UNC93B1: variants seen among roughly 807,000 people sequenced by gnomAD.
UNC93B1 encodes protein unc-93 homolog B1.
Under a neutral mutation model 56.8 loss-of-function variants are expected in UNC93B1, and 33 were observed. The ratio of observed to expected loss-of-function variants is 0.58; its 90% CI spans 0.44 to 0.78. The LOEUF is 0.78. Among genes scored for constraint, UNC93B1 ranks in the 30% least tolerant of loss-of-function variants. UNC93B1 has a pLI of 0.00. For synonymous variants in UNC93B1, 334 were observed against 358.6 expected, an observed-to-expected ratio of 0.93 and a Z score of 0.77; for missense variants, 673 against 819.5, an observed-to-expected ratio of 0.82 and a Z score of 2.18.
chr11:67,999,174 T>C lies in UNC93B1; in HGVS notation c.686A>G (p.His229Arg). Reference sequence around the variant, plus strand: ...AACAATGGCCCACGTGGCACTCACATGGAAGAAGCTGTAGAAGATGGCTTG... The same window carrying C: ...AACAATGGCCCACGTGGCACTCACACGGAAGAAGCTGTAGAAGATGGCTTG... ...VFQAIFYSFFHLSFACAQLPM... is the reference protein window; with the variant it reads ...VFQAIFYSFFRLSFACAQLPM... Residue 229 changes from histidine to arginine, a missense_variant and splice_region_variant, in exon 5 of 11, where the codon CAT becomes CGT. Physicochemically the swap from His to Arg is conservative, Grantham distance 29 (BLOSUM62 0). This residue lies in a region of UNC93B1 where 438 missense variants were observed against 465.9 expected (regional missense o/e 0.94). Transcript: ENST00000227471. The C allele has an allele frequency of 2.5e-6, 4 of 1,613,860 alleles. No homozygotes were observed. Among genetic ancestry groups the C allele is most frequent in the Non-Finnish European group, 2.5e-6 (3 of 1,179,870 alleles).
At chr11:68,002,000 C>T (rs1056588877) in intron 3 of UNC93B1, among the ~76,000 whole-genome samples, 11 of 151,568 alleles carry the variant, frequency 7.3e-5, no homozygotes, top group African/African-American at 2.7e-4. Flanking sequence ...AAAAATTAAC[C>T]GGGTGGCAGG....
chr11:67,991,523 G>A lies in UNC93B1; in HGVS notation c.*23C>T. The A allele has an allele frequency of 7.2e-7, 1 of 1,388,268 alleles. No individual in the cohort carries two copies. The highest frequency in any genetic ancestry group is 9.3e-7 in the Non-Finnish European group (1 of 1,077,330). 86.0% of individuals were successfully genotyped at this position (1,388,268 alleles called of 1,614,324 possible). On this transcript the variant is annotated 3_prime_UTR_variant, in exon 11 of 11. Coordinates refer to ENST00000227471, the MANE Select transcript of UNC93B1 (RefSeq NM_030930.4). Reference sequence around the variant, plus strand: ...ACTGAGGCCGGCGAGGAGGGAGGCTGAGTCCGGGGACCAGGCGGCCCCTCA... The same window carrying A: ...ACTGAGGCCGGCGAGGAGGGAGGCTAAGTCCGGGGACCAGGCGGCCCCTCA...
chr11:67,999,757 C>A lies in UNC93B1; in HGVS notation c.393-77G>T, dbSNP rs931153984. On this transcript the variant is annotated intron_variant, in intron 3 of 10. Transcript: ENST00000227471. ...GCCTGAAGCCAAACGGGGCCACAAC[C>A]GCAGGTCCCAGCTCACAGGGCTTTG... 7.2e-5 allele frequency: 111 copies of A among 1,536,614 alleles called. 3 individuals are homozygous for A. Among genetic ancestry groups the A allele is most frequent in the African/African-American group, 8.2e-5 (6 of 72,978 alleles).
intron 7 of UNC93B1, chr11:67,997,458 G>A: frequency 1.3e-6 from 1 of 747,434 alleles, no homozygotes; most frequent in South Asian, 1.9e-5. Flanking sequence ...CGCCTGCCTC[G>A]GACCACAGGC....
In UNC93B1 at chr11:68,003,134, A is replaced by C. The variant is rs759103496; in HGVS notation, c.280T>G (p.Tyr94Asp). The change falls in exon 3 of 11, where the codon TAC becomes GAC. Residue 94 changes from tyrosine (Y) to aspartate (D), a missense_variant. Physicochemically the swap from Tyr to Asp is radical, Grantham distance 160. Transcript: ENST00000227471. This position sits in a 1 kb window ranked among gnomAD's most constrained non-coding sequence, Gnocchi z 4.4. Reference protein sequence around the residue: ...MQLILHYDETYREVKYGNMGL... With the variant: ...MQLILHYDETDREVKYGNMGL... ...ATGTTGCCATACTTCACCTCGCGGT[A>C]GGTCTCGTCGTAGTGCAGGATCAGC... 7.4e-6 allele frequency: 12 copies of C among 1,613,260 alleles called. No homozygotes were observed.
In UNC93B1 at chr11:68,003,453, C is replaced by T. The variant is rs934026411; in HGVS notation, c.238+204G>A. 31 of 881,184 alleles carry T rather than the reference C, an allele frequency of 3.5e-5. No individual in the cohort carries two copies. In the Admixed American group the frequency reaches 1.0e-3, roughly 29 times the overall value. The allele number at this position is 881,184 out of a possible 1,614,324, so 54.6% of individuals were successfully genotyped here. On this transcript the variant is annotated intron_variant, in intron 2 of 10. Transcript: ENST00000227471. The surrounding 1 kb of genome is among the most constrained non-coding windows in gnomAD (Gnocchi z 4.4). ...GGGAGCCCGGACCCCCGTCCCCCAC[C>T]CACACCGAGGCTCTGGCTGGGACCC... is the stretch of plus-strand genomic sequence containing the variant.
At chr11:68,002,701 C>G (rs1048839757) in intron 3 of UNC93B1, among the ~76,000 whole-genome samples, 1 of 152,192 alleles carries the variant, frequency 6.6e-6, no homozygotes, top group Non-Finnish European at 1.5e-5. Context: ...AGCCCCAACC[C>G]TGAAGGCCAC....
chr11:67,995,384 G>T (rs1442019825), intron 9 of UNC93B1, among the ~76,000 whole-genome samples: 1 of 151,936 alleles, frequency 6.6e-6, no homozygotes, highest in Non-Finnish European at 1.5e-5. Flanking sequence ...TGTCTCCAGG[G>T]TGTCCACACC....
At chr11:67,998,504 G>T (rs1856990050) in intron 5 of UNC93B1, 52 bp from the exon 6 acceptor site, 2 of 1,583,884 alleles carry the variant, frequency 1.3e-6, no homozygotes, top group East Asian at 4.5e-5. Flanking sequence ...GCCAGGCAAG[G>T]GACACAGGCA....
intron 3 of UNC93B1, among the ~76,000 whole-genome samples, chr11:68,002,668 C>G (rs1045582907): frequency 2.6e-5 from 4 of 152,134 alleles, no homozygotes; most frequent in Non-Finnish European, 5.9e-5. Flanking sequence ...CTTTGCTGAC[C>G]GATCAGAAAC....
rs751909299 is a variant in UNC93B1, at chr11:67,996,726, A to C, written c.965T>G (p.Val322Gly). Residue 322 changes from valine (V) to glycine (G), a missense_variant, in exon 8 of 11, where the codon GTG (valine) becomes GGG (glycine). Physicochemically the swap from Val to Gly is moderately radical, Grantham distance 109. Around this residue, in one of 3 missense-constraint regions of UNC93B1, gnomAD observed 438 missense variants for 465.9 expected, o/e 0.94. Coordinates refer to ENST00000227471, the MANE Select transcript of UNC93B1 (RefSeq NM_030930.4). ...RPTEEIDLRS[V>G]GWGNIFQLPF... ...CAGCTGGAAGATGTTGCCCCAGCCC[A>C]CGCTGCGCAGATCGATCTCCTCCGT... is the stretch of plus-strand genomic sequence containing the variant. The C allele has an allele frequency of 6.4e-7, 1 of 1,555,660 alleles. No individual in the cohort carries two copies. Among genetic ancestry groups the C allele is most frequent in the South Asian group, 1.2e-5 (1 of 84,304 alleles).
At position 67,996,747 on chromosome 11, in the gene UNC93B1, T is replaced by A; in HGVS notation, c.944A>T (p.Glu315Val). 6.4e-7 allele frequency: 1 copy of A among 1,561,634 alleles called. No individual in the cohort carries two copies. Among genetic ancestry groups the A allele is most frequent in the Non-Finnish European group, 8.7e-7 (1 of 1,152,688 alleles). ...GCCCACGCTGCGCAGATCGATCTCC[T>A]CCGTGGGCCGGTAAGCGGCTCCGCA... Reference protein sequence around the residue: ...GLCGAAYRPTEEIDLRSVGWG... With the variant: ...GLCGAAYRPTVEIDLRSVGWG... The change falls in exon 8 of 11, where the codon GAG becomes GTG. Residue 315 changes from glutamate (E) to valine (V), a missense_variant. Glu to Val is a moderately radical substitution (Grantham distance 121). Coordinates refer to ENST00000227471, the MANE Select transcript of UNC93B1 (RefSeq NM_030930.4).
chr11:67,998,512 G>T, intron 5 of UNC93B1, 60 bp from the exon 6 acceptor site: 1 of 1,559,866 alleles, frequency 6.4e-7, no homozygotes, highest in Non-Finnish European at 8.8e-7. Flanking sequence ...AGGGACACAG[G>T]CATGGTCTGG....
At chr11:67,995,452 C>T (rs1214936137) in intron 9 of UNC93B1, among the ~76,000 whole-genome samples, 159 bp downstream of exon 9, 1 of 151,972 alleles carries the variant, frequency 6.6e-6, no homozygotes, top group African/African-American at 2.4e-5. Flanking sequence ...GGAGTGTCCA[C>T]AGGAAGCCCC....
chr11:68,002,678 C>T (rs1304523197), intron 3 of UNC93B1, among the ~76,000 whole-genome samples: 1 of 152,146 alleles, frequency 6.6e-6, no homozygotes, highest in Non-Finnish European at 1.5e-5. Flanking sequence ...CGATCAGAAA[C>T]CCCTAACTCT....
At position 67,991,659 on chromosome 11, in the gene UNC93B1, C is replaced by G. The variant is rs1484976981; in HGVS notation, c.1681G>C (p.Glu561Gln). ...DAEGEHGDGA[E>Q]EEAPPAGPRP... Reference sequence around the variant, plus strand: ...GGCCCTGCGGGCGGCGCCTCCTCCTCCGCGCCGTCCCCATGCTCGCCCTCC... The same window carrying G: ...GGCCCTGCGGGCGGCGCCTCCTCCTGCGCGCCGTCCCCATGCTCGCCCTCC... Residue 561 changes from glutamate (E) to glutamine (Q), a missense_variant, in exon 11 of 11, where the codon GAG (glutamate) becomes CAG (glutamine). Physicochemically the swap from Glu to Gln is conservative, Grantham distance 29. This residue lies in a region of UNC93B1 where 80 missense variants were observed against 85.3 expected (regional missense o/e 0.94). Coordinates refer to ENST00000227471, the MANE Select transcript of UNC93B1 (RefSeq NM_030930.4). 6.5e-7 allele frequency: 1 copy of G among 1,528,970 alleles called. No individual in the cohort carries two copies. Among genetic ancestry groups the G allele is most frequent in the African/African-American group, 1.4e-5 (1 of 72,446 alleles). The allele number at this position is 1,528,970 out of a possible 1,614,324, so 94.7% of individuals were successfully genotyped here. A position where few individuals can be genotyped will look rare whatever the true frequency, so the allele number is the denominator to read the frequency against.
At chr11:67,997,617 C>G in intron 7 of UNC93B1, 58 bp downstream of exon 7, 1 of 1,593,962 alleles carries the variant, frequency 6.3e-7, no homozygotes, top group Middle Eastern at 2.2e-4. Flanking sequence ...CTCGCAGACT[C>G]GGTCCCCAGA....
chr11:67,993,489 G>T, intron 10 of UNC93B1, among the ~76,000 whole-genome samples, 187 bp downstream of exon 10: 1 of 152,266 alleles, frequency 6.6e-6, no homozygotes, highest in East Asian at 1.9e-4. Context: ...GGCAAACTGA[G>T]ACTGGCTGGA....
intron 9 of UNC93B1, among the ~76,000 whole-genome samples, 160 bp from the exon 10 acceptor site, chr11:67,993,954 G>C (rs943968137): frequency 1.3e-5 from 2 of 152,216 alleles, no homozygotes; most frequent in Non-Finnish European, 2.9e-5. Context: ...CCTGCCCCCT[G>C]GTGGAGACCC....
Sources: gnomAD v4.1 joint callset for allele counts (sites outside exome capture counted in the v4.1 genomes callset) on GRCh38, gnomAD v4.1.1 for gene constraint, gnomAD v4.1.1 regional missense constraint, Gnocchi (gnomAD v3.1) non-coding constraint, MANE v1.5 for transcripts, NCBI Gene and HGNC (gene_info 2026-07-23, HGNC 2026-07-21) for gene names.